The following ROBO2 variants were observed in gnomAD, a reference collection of about 807,000 sequenced individuals.
ROBO2 encodes the protein roundabout guidance receptor 2, also known as roundabout homolog 2.
In ROBO2, 53 loss-of-function variants were observed where a neutral mutation model predicts 160.8. The ratio of observed to expected loss-of-function variants is 0.33; its 90% CI spans 0.26 to 0.41. The LOEUF is 0.41. Among genes scored for constraint, ROBO2 ranks in the 10% least tolerant of loss-of-function variants. The pLI is 1.00. For missense variants in ROBO2, 1,577 were observed against 1,722.4 expected (o/e 0.92, Z 1.49); for synonymous variants, 664 against 611.7 (o/e 1.09, Z -1.26).
chr3:76,151,033 T>C (rs2106845497), intron 2 of ROBO2, among the ~76,000 whole-genome samples: 1 of 152,284 alleles, frequency 6.6e-6, no homozygotes. Flanking sequence ...TGGGTCCTCT[T>C]AGCTTTGCTG....
At chr3:76,563,077 G>A (rs2084299616) in intron 2 of ROBO2, among the ~76,000 whole-genome samples, 1 of 151,970 alleles carries the variant, frequency 6.6e-6, no homozygotes, top group Non-Finnish European at 1.5e-5. Flanking sequence ...ATCTCTGAAA[G>A]TTTGCCTATC....
chr3:77,527,364 CT>C, intron 6 of ROBO2, 38 bp from the exon 7 acceptor site: 1 of 1,279,798 alleles, frequency 7.8e-7, no homozygotes, highest in South Asian at 1.3e-5. Context: ...TTTTTAATTT[CT>C]TTTTTATGTT....
At chr3:76,248,990 C>T (rs1480126636) in intron 2 of ROBO2, among the ~76,000 whole-genome samples, 1 of 152,074 alleles carries the variant, frequency 6.6e-6, no homozygotes, top group African/African-American at 2.4e-5. Context: ...TTCTAAGACA[C>T]ACATGTATTT....
chr3:76,888,932 T>C (rs1176666159), intron 2 of ROBO2, among the ~76,000 whole-genome samples: 1 of 152,220 alleles, frequency 6.6e-6, no homozygotes, highest in Admixed American at 6.5e-5. Context: ...CTAAAGCCAA[T>C]TTTTCCTGGA....
At chr3:76,698,248 G>A (rs72890207) in intron 2 of ROBO2, among the ~76,000 whole-genome samples, 1,825 of 152,278 alleles carry the variant, frequency 0.012, 43 homozygotes, top group African/African-American at 0.042. Context: ...CTGGGCGATG[G>A]GCTGAAAATG....
intron 2 of ROBO2, among the ~76,000 whole-genome samples, chr3:76,089,126 A>AT (rs1380028267): frequency 6.6e-6 from 1 of 152,054 alleles, no homozygotes; most frequent in Non-Finnish European, 1.5e-5. Context: ...AATCTGTCAA[A>AT]TCTTACACTA....
At chr3:76,463,404 T>C (rs1459992789) in intron 2 of ROBO2, among the ~76,000 whole-genome samples, 2 of 151,836 alleles carry the variant, frequency 1.3e-5, no homozygotes, top group African/African-American at 4.8e-5. Flanking sequence ...AAACTATAAT[T>C]TTCATGCTGC....
chr3:76,978,922 TTTTG>T (rs370185197), intron 2 of ROBO2, among the ~76,000 whole-genome samples: 5,748 of 150,028 alleles, frequency 0.038, 151 homozygotes, highest in East Asian at 0.12. Flanking sequence ...TTAGAGTTTT[TTTTG>T]TTTGTTTGTT....
At chr3:76,251,028 A>G (rs1190942385) in intron 2 of ROBO2, among the ~76,000 whole-genome samples, 3 of 152,034 alleles carry the variant, frequency 2.0e-5, no homozygotes, top group African/African-American at 4.8e-5. Flanking sequence ...CTTTCATAGC[A>G]TATTCTTTCC....
chr3:76,194,037 A>G (rs575392839), intron 2 of ROBO2, among the ~76,000 whole-genome samples: 30 of 152,172 alleles, frequency 2.0e-4, no homozygotes, highest in South Asian at 1.2e-3. Context: ...CTCTCTGCCT[A>G]TAATGCCTAT....
chr3:76,609,012 T>A (rs559275009), intron 2 of ROBO2, among the ~76,000 whole-genome samples: 2 of 152,278 alleles, frequency 1.3e-5, no homozygotes, highest in African/African-American at 4.8e-5. Context: ...AGTGAGAACA[T>A]ACAGTAATTG....
intron 2 of ROBO2, among the ~76,000 whole-genome samples, chr3:76,726,091 T>C (rs944456469): frequency 1.3e-5 from 2 of 152,178 alleles, no homozygotes; most frequent in Non-Finnish European, 2.9e-5. Context: ...GTCTGTTTTT[T>C]CTTAGTTAAT....
At chr3:77,153,856 TTTAA>T (rs1450849353) in intron 2 of ROBO2, among the ~76,000 whole-genome samples, 1 of 152,156 alleles carries the variant, frequency 6.6e-6, no homozygotes, top group African/African-American at 2.4e-5. Context: ...GTTATAGCCC[TTTAA>T]TTTTCTTGAA....
chr3:76,608,309 T>TG (rs1235295036), intron 2 of ROBO2, among the ~76,000 whole-genome samples: 2 of 152,128 alleles, frequency 1.3e-5, no homozygotes, highest in African/African-American at 4.8e-5. Context: ...ATACCTTCAG[T>TG]GGGGAGAGAA....
chr3:76,193,201 G>GA (rs970103389), intron 2 of ROBO2, among the ~76,000 whole-genome samples: 3 of 151,894 alleles, frequency 2.0e-5, no homozygotes, highest in Non-Finnish European at 4.4e-5. Context: ...GTTTACTTGG[G>GA]ATCACTCTTT....
chr3:77,408,540 G>T (rs1403814654), intron 2 of ROBO2, among the ~76,000 whole-genome samples: 1 of 152,050 alleles, frequency 6.6e-6, no homozygotes, highest in Non-Finnish European at 1.5e-5. Flanking sequence ...TTTATAAAAG[G>T]GGGAACTTAC....
intron 2 of ROBO2, among the ~76,000 whole-genome samples, chr3:75,947,297 G>C (rs35812831): frequency 6.4e-4 from 97 of 152,186 alleles, no homozygotes; most frequent in Non-Finnish European, 1.0e-3. Flanking sequence ...AGAGATGTGA[G>C]TTAGATAATC....
chr3:77,559,338 G>C (rs1371166044), intron 9 of ROBO2, among the ~76,000 whole-genome samples: 1 of 152,110 alleles, frequency 6.6e-6, no homozygotes, highest in East Asian at 1.9e-4. Context: ...TCCTCTATCA[G>C]TACATTCAAC....
chr3:77,265,771 C>T (rs1478483103), intron 2 of ROBO2, among the ~76,000 whole-genome samples: 1 of 152,136 alleles, frequency 6.6e-6, no homozygotes, highest in Non-Finnish European at 1.5e-5. Context: ...AGAATCCAAT[C>T]TCAGACATGA....
Sources: gnomAD v4.1 joint callset for allele counts (sites outside exome capture counted in the v4.1 genomes callset) on GRCh38, gnomAD v4.1.1 for gene constraint, MANE v1.5 for transcripts, NCBI Gene and HGNC (gene_info 2026-07-23, HGNC 2026-07-21) for gene names.